LINGO2: variants seen among roughly 807,000 people sequenced by gnomAD.
LINGO2 encodes the protein leucine rich repeat and Ig domain containing 2, also known as leucine-rich repeat and immunoglobulin-like domain-containing nogo receptor-interacting protein 2.
Under a neutral mutation model 30.6 loss-of-function variants are expected in LINGO2, and 14 were observed. The observed-to-expected ratio is 0.46, with a 90% confidence interval of 0.30 to 0.72. LINGO2 has a LOEUF of 0.72. LINGO2 is among the 30% of genes least tolerant of loss of function. LINGO2 has a pLI of 0.07. For missense variants in LINGO2, 729 were observed against 751.7 expected (o/e 0.97, Z 0.35); for synonymous variants, 317 against 288.5 (o/e 1.10, Z -1.00).
At chr9:28,527,423 G>A (rs1222669541) in intron 1 of LINGO2, among the ~76,000 whole-genome samples, 1 of 152,158 alleles carries the variant, frequency 6.6e-6, no homozygotes. Flanking sequence ...TAAAGTCCAT[G>A]TTCTCAGGGG....
intron 3 of LINGO2, among the ~76,000 whole-genome samples, chr9:28,295,928 T>G (rs1023933128): frequency 6.6e-6 from 1 of 152,176 alleles, no homozygotes; most frequent in African/African-American, 2.4e-5. Flanking sequence ...TGTAAGGTGT[T>G]GCAAATTCAG....
downstream of LINGO2, among the ~76,000 whole-genome samples, chr9:27,946,325 A>G (rs538281614): frequency 6.6e-6 from 1 of 152,178 alleles, no homozygotes; most frequent in African/African-American, 2.4e-5. Flanking sequence ...AATATCTTAA[A>G]TAACTATTAT....
chr9:29,048,628 G>A, the LINGO2 span, among the ~76,000 whole-genome samples: 11 of 152,060 alleles, frequency 7.2e-5, no homozygotes, highest in African/African-American at 2.4e-4. Context: ...CAGAGACATA[G>A]GCAAATGGAA....
At chr9:28,862,408 A>G in the LINGO2 span, among the ~76,000 whole-genome samples, 2 of 152,268 alleles carry the variant, frequency 1.3e-5, no homozygotes, top group Middle Eastern at 3.4e-3. Context: ...ATACACATAT[A>G]TTTTAAGGTT....
At chr9:28,757,106 A>G in the LINGO2 span, among the ~76,000 whole-genome samples, 4 of 152,054 alleles carry the variant, frequency 2.6e-5, no homozygotes, top group Non-Finnish European at 5.9e-5. Context: ...TAAAATCTCT[A>G]TAAATCCTAT....
At chr9:28,751,803 A>C in the LINGO2 span, among the ~76,000 whole-genome samples, 3 of 151,952 alleles carry the variant, frequency 2.0e-5, no homozygotes, top group African/African-American at 7.3e-5. Flanking sequence ...TATCGTATGT[A>C]TTGGCTCCAC....
chr9:28,933,881 T>C, the LINGO2 span, among the ~76,000 whole-genome samples: 1 of 152,252 alleles, frequency 6.6e-6, no homozygotes, highest in East Asian at 1.9e-4. Flanking sequence ...TTTGGCTTTC[T>C]TTACCTCTTA....
chr9:28,052,999 A>G (rs947221002), intron 4 of LINGO2, among the ~76,000 whole-genome samples: 1 of 152,234 alleles, frequency 6.6e-6, no homozygotes, highest in African/African-American at 2.4e-5. Context: ...TGGGGATAAC[A>G]AGGTGACCAA....
chr9:28,848,397 GTATATATATATATA>G, the LINGO2 span, among the ~76,000 whole-genome samples: 8 of 48,440 alleles, frequency 1.7e-4, no homozygotes, highest in Non-Finnish European at 2.3e-4. Context: ...GTGTGTGTGT[GTATATATATATATA>G]TATATATATA....
chr9:28,486,710 T>C (rs1826179299), intron 1 of LINGO2, among the ~76,000 whole-genome samples: 1 of 111,782 alleles, frequency 8.9e-6, no homozygotes, highest in Non-Finnish European at 2.2e-5. Flanking sequence ...GGTACTTCAA[T>C]GTAAAAAAAA....
chr9:28,911,326 T>A, the LINGO2 span, among the ~76,000 whole-genome samples: 1 of 108,064 alleles, frequency 9.3e-6, no homozygotes, highest in Non-Finnish European at 2.3e-5. Context: ...ATAAAACTCA[T>A]ATTGGTAAGC....
At chr9:28,626,260 T>C (rs1397797214) in intron 1 of LINGO2, among the ~76,000 whole-genome samples, 2 of 152,152 alleles carry the variant, frequency 1.3e-5, no homozygotes, top group Non-Finnish European at 1.5e-5. Context: ...TTTTCTTAAA[T>C]TGGGCTATTT....
At chr9:29,151,544 A>T in the LINGO2 span, among the ~76,000 whole-genome samples, 1 of 152,136 alleles carries the variant, frequency 6.6e-6, no homozygotes, top group African/African-American at 2.4e-5. Context: ...AGAGGCTAAA[A>T]GTAAAGGAGT....
chr9:28,959,328 T>G, the LINGO2 span, among the ~76,000 whole-genome samples: 1 of 151,960 alleles, frequency 6.6e-6, no homozygotes, highest in African/African-American at 2.4e-5. Context: ...ATAAAGTAGA[T>G]ATAATAATTG....
chr9:27,966,250 A>G (rs1466744330), intron 5 of LINGO2, among the ~76,000 whole-genome samples: 2 of 152,266 alleles, frequency 1.3e-5, no homozygotes, highest in Non-Finnish European at 2.9e-5. Context: ...AGTATTTTAT[A>G]TTACAGCTGA....
chr9:29,097,788 T>C, the LINGO2 span, among the ~76,000 whole-genome samples: 6 of 139,146 alleles, frequency 4.3e-5, 2 homozygotes, highest in Non-Finnish European at 4.7e-5. Flanking sequence ...TTCAGCAGGA[T>C]GCACTTCCAG....
intron 4 of LINGO2, among the ~76,000 whole-genome samples, chr9:28,136,996 C>T (rs368076074): frequency 6.6e-6 from 1 of 152,212 alleles, no homozygotes; most frequent in East Asian, 1.9e-4. Context: ...TGCCTTCAGA[C>T]ATGGACTCGG....
At chr9:28,800,527 T>C in the LINGO2 span, among the ~76,000 whole-genome samples, 1 of 152,086 alleles carries the variant, frequency 6.6e-6, no homozygotes, top group African/African-American at 2.4e-5. Flanking sequence ...GATGTATTGC[T>C]CTAGTCTACT....
chr9:29,195,286 A>T, the LINGO2 span, among the ~76,000 whole-genome samples: 137 of 151,946 alleles, frequency 9.0e-4, no homozygotes, highest in African/African-American at 3.2e-3. Flanking sequence ...CATTTTATTG[A>T]TTTTATTGTT....
Sources: gnomAD v4.1 joint callset for allele counts (sites outside exome capture counted in the v4.1 genomes callset) on GRCh38, gnomAD v4.1.1 for gene constraint, MANE v1.5 for transcripts, NCBI Gene and HGNC (gene_info 2026-07-23, HGNC 2026-07-21) for gene names.